ADAM19: variants seen among roughly 807,000 people sequenced by gnomAD.
The protein encoded by ADAM19 is ADAM metallopeptidase domain 19.
In ADAM19, 65 loss-of-function variants were observed where a neutral mutation model predicts 114.7. The observed-to-expected ratio is 0.57, with a 90% CI of 0.46 to 0.70. ADAM19 has a LOEUF of 0.70. ADAM19 is among the 30% of genes least tolerant of loss of function. The pLI, the probability that ADAM19 is intolerant of heterozygous loss-of-function variation, is 0.00. For missense variants in ADAM19, 1,063 were observed against 1,204.7 expected (o/e 0.88, Z 1.74); for synonymous variants, 466 against 460.5 (o/e 1.01, Z -0.15).
chr5:157,527,616 C>T (rs1756509743), intron 5 of ADAM19, among the ~76,000 whole-genome samples: 2 of 152,216 alleles, frequency 1.3e-5, no homozygotes, highest in Admixed American at 1.3e-4. Context: ...CACCAGGACC[C>T]TCCCTCAAAA....
chr5:157,488,119 C>A, intron 21 of ADAM19, 146 bp downstream of exon 21: 1 of 772,704 alleles, frequency 1.3e-6, no homozygotes. Flanking sequence ...CTCTAACCTG[C>A]TGTGCGCCCC....
At chr5:157,524,303 T>G (rs553646275) in intron 5 of ADAM19, among the ~76,000 whole-genome samples, 1 of 152,346 alleles carries the variant, frequency 6.6e-6, no homozygotes, top group East Asian at 1.9e-4. Context: ...GGAGGCTGGG[T>G]GGCCAGCCTC....
At chr5:157,485,921 C>G (rs147632245) in intron 21 of ADAM19, among the ~76,000 whole-genome samples, 5 of 152,370 alleles carry the variant, frequency 3.3e-5, no homozygotes, top group Admixed American at 6.5e-5. Context: ...CCCAGAGTCA[C>G]TGCCCCAGCA....
chr5:157,483,595 T>G (rs1026444418), intron 21 of ADAM19, among the ~76,000 whole-genome samples: 10 of 151,118 alleles, frequency 6.6e-5, no homozygotes, highest in Non-Finnish European at 1.3e-4. Context: ...TACACTGGGA[T>G]GGGGTGCAAA....
intron 5 of ADAM19, among the ~76,000 whole-genome samples, chr5:157,525,771 C>T (rs1756435818): frequency 6.6e-6 from 1 of 152,190 alleles, no homozygotes; most frequent in Non-Finnish European, 1.5e-5. Context: ...GAGCTTATTC[C>T]AGGCCATCAT....
intron 7 of ADAM19, among the ~76,000 whole-genome samples, chr5:157,515,747 T>C (rs1020223805): frequency 6.6e-6 from 1 of 152,228 alleles, no homozygotes; most frequent in African/African-American, 2.4e-5. Context: ...CCAGCCACTC[T>C]GCACTGTGCC....
At chr5:157,537,744 C>A (rs1189143178) in intron 4 of ADAM19, among the ~76,000 whole-genome samples, 169 bp downstream of exon 4, 2 of 152,176 alleles carry the variant, frequency 1.3e-5, no homozygotes, top group Non-Finnish European at 2.9e-5. Context: ...GGAGGAGCAC[C>A]TATGAACATC....
At chr5:157,513,163 A>C (rs58642691) in intron 8 of ADAM19, among the ~76,000 whole-genome samples, 1 of 151,860 alleles carries the variant, frequency 6.6e-6, no homozygotes, top group African/African-American at 2.4e-5. Flanking sequence ...TAAAAATAAC[A>C]AAAAAAAACC....
At chr5:157,542,361 C>T (rs1027706544) in intron 3 of ADAM19, among the ~76,000 whole-genome samples, 1 of 151,978 alleles carries the variant, frequency 6.6e-6, no homozygotes, top group African/African-American at 2.4e-5. Flanking sequence ...TTTCTAGCCT[C>T]CTAATCACCT....
chr5:157,528,975 G>C (rs924460872), intron 5 of ADAM19, among the ~76,000 whole-genome samples: 1 of 152,142 alleles, frequency 6.6e-6, no homozygotes, highest in African/African-American at 2.4e-5. Context: ...AGTCAAGAGA[G>C]GAAGAACACA....
intron 12 of ADAM19, 64 bp downstream of exon 12, chr5:157,502,739 G>A: frequency 1.3e-6 from 2 of 1,558,342 alleles, no homozygotes; most frequent in Non-Finnish European, 1.8e-6. Context: ...TGTTCTCTTT[G>A]ACCTTGAGTT....
chr5:157,518,327 G>C (rs527940512), intron 7 of ADAM19, among the ~76,000 whole-genome samples: 2 of 150,614 alleles, frequency 1.3e-5, no homozygotes, highest in African/African-American at 2.5e-5. Context: ...AGGAAGGGGC[G>C]GGGGGAGTTG....
intron 3 of ADAM19, among the ~76,000 whole-genome samples, chr5:157,547,193 C>T (rs1757072209): frequency 6.6e-6 from 1 of 152,138 alleles, no homozygotes; most frequent in Admixed American, 6.5e-5. Context: ...TCTAATTAGT[C>T]CATTGAGTCT....
At position 157,479,911 on chromosome 5, in the gene ADAM19, AC is replaced by A. The variant is rs1754693639; in HGVS notation, c.*1037del. ...GATTTAGCTTAGAGTAAGGAGGAAG[AC>A]CCCCACCCTGCTGAGGTCACAAAAC... On this transcript the variant is annotated 3_prime_UTR_variant, in exon 23 of 23. Transcript: ENST00000257527. 2 of 985,524 alleles carry A rather than the reference AC, an allele frequency of 2.0e-6. No homozygotes were observed. Among genetic ancestry groups the A allele is most frequent in the Non-Finnish European group, 2.4e-6 (2 of 829,968 alleles). The allele number at this position is 985,524 out of a possible 1,614,324, so 61.0% of individuals were successfully genotyped here.
At chr5:157,506,080 A>C (rs2113721003) in intron 10 of ADAM19, among the ~76,000 whole-genome samples, 1 of 152,358 alleles carries the variant, frequency 6.6e-6, no homozygotes, top group South Asian at 2.1e-4. Flanking sequence ...AAATGCTTTC[A>C]GAATAAATAA....
chr5:157,551,408 A>AC (rs200931202), intron 3 of ADAM19, among the ~76,000 whole-genome samples: 349 of 37,746 alleles, frequency 9.2e-3, no homozygotes, highest in East Asian at 0.038. Flanking sequence ...TGTCCCCCCA[A>AC]CCCCAAAAAA....
intron 14 of ADAM19, among the ~76,000 whole-genome samples, chr5:157,495,758 C>T (rs1423983517): frequency 6.6e-6 from 1 of 151,946 alleles, no homozygotes; most frequent in Non-Finnish European, 1.5e-5. Flanking sequence ...CTTAGCCTCT[C>T]GAGTAGCTGG....
At chr5:157,517,853 G>T (rs527338276) in intron 7 of ADAM19, among the ~76,000 whole-genome samples, 58 of 152,194 alleles carry the variant, frequency 3.8e-4, no homozygotes, top group Non-Finnish European at 6.6e-4. Flanking sequence ...TATGCCTTTA[G>T]GTCAGTGGTT....
intron 7 of ADAM19, among the ~76,000 whole-genome samples, chr5:157,514,650 C>A (rs1430260024): frequency 2.0e-5 from 3 of 152,118 alleles, no homozygotes; most frequent in African/African-American, 7.2e-5. Context: ...TCTAACCAAG[C>A]ACAGGAAAGA....
Sources: gnomAD v4.1 joint callset for allele counts (sites outside exome capture counted in the v4.1 genomes callset) on GRCh38, gnomAD v4.1.1 for gene constraint, MANE v1.5 for transcripts, NCBI Gene and HGNC (gene_info 2026-07-23, HGNC 2026-07-21) for gene names.